TBC1D21: variants seen among roughly 807,000 people sequenced by gnomAD.
TBC1D21 encodes TBC1 domain family member 21, also known as male germ cell Rab GTPase-activating protein.
TBC1D21 carries 38 observed loss-of-function variants against 46.0 expected under a neutral mutation model. That is an observed-to-expected ratio of 0.83 (90% confidence interval 0.64 to 1.08). The LOEUF is 1.08. Ranked by LOEUF, TBC1D21 falls within the 50% of genes least tolerant of loss-of-function variation. The probability of loss-of-function intolerance (pLI) is 0.00; values close to 1 mark genes in which losing one functional copy is unlikely to be tolerated. For missense variants in TBC1D21, 415 were observed against 417.9 expected (o/e 0.99, Z 0.06); for synonymous variants, 151 against 157.2 (o/e 0.96, Z 0.29).
the TBC1D21 span, among the ~76,000 whole-genome samples, chr15:73,902,623 T>A: frequency 6.6e-6 from 1 of 152,260 alleles, no homozygotes; most frequent in South Asian, 2.1e-4. Flanking sequence ...ACTGCATGCA[T>A]CTGTCATTGC....
chr15:73,895,350 G>A, the TBC1D21 span, among the ~76,000 whole-genome samples: 245 of 152,258 alleles, frequency 1.6e-3, 1 homozygote, highest in African/African-American at 5.5e-3. Context: ...GCTTGTCTCC[G>A]CAGTCGATCT....
chr15:73,891,313 A>G (rs1020523148), downstream of TBC1D21, among the ~76,000 whole-genome samples: 3 of 152,180 alleles, frequency 2.0e-5, no homozygotes, highest in South Asian at 4.1e-4. Flanking sequence ...TTGTGTTATG[A>G]CAGTCTAGTT....
chr15:73,904,529 T>C, the TBC1D21 span, among the ~76,000 whole-genome samples: 1 of 152,206 alleles, frequency 6.6e-6, no homozygotes, highest in Admixed American at 6.5e-5. Flanking sequence ...AGAGTGACCA[T>C]GGCCTCCCCT....
At position 73,887,620 on chromosome 15, in the gene TBC1D21, G is replaced by A. The variant is rs767341121; in HGVS notation, c.778G>A (p.Val260Ile). Residue 260 changes from valine (V) to isoleucine (I), a missense_variant and splice_region_variant, in exon 9 of 11, where the codon GTT (valine) becomes ATT (isoleucine). Transcript: ENST00000300504. ...SFDDVWRLWEVLLTGKPCRNF... is the reference protein window; with the variant it reads ...SFDDVWRLWEILLTGKPCRNF... Reference sequence around the variant, plus strand: ...CAGACTGAGACGTCCTGACCCACAGGTTCTGCTGACGGGGAAGCCCTGCAG... The same window carrying A: ...CAGACTGAGACGTCCTGACCCACAGATTCTGCTGACGGGGAAGCCCTGCAG... The A allele has an allele frequency of 1.9e-6, 3 of 1,613,740 alleles. No homozygotes were observed. The highest frequency in any genetic ancestry group is 2.2e-5 in the South Asian group (2 of 91,076).
the TBC1D21 span, among the ~76,000 whole-genome samples, chr15:73,903,891 A>T: frequency 6.6e-6 from 1 of 152,132 alleles, no homozygotes; most frequent in South Asian, 2.1e-4. Flanking sequence ...TACTAAAAAT[A>T]AAAAAAGTTA....
At chr15:73,877,063 G>C (rs954104342) in intron 1 of TBC1D21, among the ~76,000 whole-genome samples, 3 of 152,114 alleles carry the variant, frequency 2.0e-5, no homozygotes, top group Non-Finnish European at 4.4e-5. Flanking sequence ...CTGTAAAACA[G>C]TACAAGAACT....
At chr15:73,893,067 T>A (rs1306410646), downstream of TBC1D21, among the ~76,000 whole-genome samples, 1 of 152,110 alleles carries the variant, frequency 6.6e-6, no homozygotes, top group Admixed American at 6.5e-5. Flanking sequence ...AATGATGTCA[T>A]CACTGGTGGT....
chr15:73,904,857 AAC>A, the TBC1D21 span, among the ~76,000 whole-genome samples: 1 of 152,356 alleles, frequency 6.6e-6, no homozygotes, highest in Admixed American at 6.5e-5. Flanking sequence ...GACAAAACAA[AAC>A]ACACAGATGG....
At chr15:73,901,083 C>A in the TBC1D21 span, among the ~76,000 whole-genome samples, 3 of 152,278 alleles carry the variant, frequency 2.0e-5, no homozygotes, top group Admixed American at 1.3e-4. Flanking sequence ...GCCCACAGAG[C>A]AAAGAAAGAA....
the TBC1D21 span, among the ~76,000 whole-genome samples, chr15:73,898,900 T>C: frequency 2.3e-5 from 3 of 129,014 alleles, no homozygotes; most frequent in South Asian, 2.5e-4. Context: ...TATATATATA[T>C]ATACACACAC....
At chr15:73,907,438 AG>A in the TBC1D21 span, among the ~76,000 whole-genome samples, 1 of 152,236 alleles carries the variant, frequency 6.6e-6, no homozygotes, top group Non-Finnish European at 1.5e-5. Flanking sequence ...TTGGAGAGAC[AG>A]GAACCAAATC....
chr15:73,883,739 T>C (rs1036064660), intron 3 of TBC1D21, among the ~76,000 whole-genome samples: 2 of 152,204 alleles, frequency 1.3e-5, no homozygotes, highest in African/African-American at 4.8e-5. Context: ...ATTCTAATAA[T>C]GAGGACAAAA....
chr15:73,880,865 TG>T (rs2068141916), intron 1 of TBC1D21, among the ~76,000 whole-genome samples: 1 of 152,236 alleles, frequency 6.6e-6, no homozygotes, highest in Non-Finnish European at 1.5e-5. Context: ...GGAACTTTTT[TG>T]TATTTTCTCA....
chr15:73,909,370 CA>C, the TBC1D21 span, among the ~76,000 whole-genome samples: 3 of 150,790 alleles, frequency 2.0e-5, no homozygotes, highest in South Asian at 2.1e-4. Context: ...GACTCCATCT[CA>C]AAAAAAAATC....
chr15:73,878,287 G>A (rs1023556737), intron 1 of TBC1D21, among the ~76,000 whole-genome samples: 1 of 152,048 alleles, frequency 6.6e-6, no homozygotes, highest in Middle Eastern at 3.2e-3. Flanking sequence ...AAAATGAGTG[G>A]GTGTGGCTGT....
chr15:73,883,583 T>C (rs1442918176), intron 3 of TBC1D21, among the ~76,000 whole-genome samples: 1 of 152,210 alleles, frequency 6.6e-6, no homozygotes, highest in Non-Finnish European at 1.5e-5. Flanking sequence ...TGGAAAGTCT[T>C]ACGGATCTCG....
chr15:73,903,914 G>A, the TBC1D21 span, among the ~76,000 whole-genome samples: 2 of 152,188 alleles, frequency 1.3e-5, no homozygotes, highest in Non-Finnish European at 2.9e-5. Flanking sequence ...TGGGTGTGGT[G>A]GTGTATGCCT....
chr15:73,890,706 G>T (rs968741278), downstream of TBC1D21, among the ~76,000 whole-genome samples: 2 of 152,202 alleles, frequency 1.3e-5, no homozygotes, highest in African/African-American at 2.4e-5. Flanking sequence ...TACACACAAT[G>T]CCAAACATCT....
the TBC1D21 span, chr15:73,909,689 C>G: frequency 6.6e-6 from 1 of 152,138 alleles, no homozygotes; most frequent in Non-Finnish European, 1.5e-5. Context: ...CTCATCACAG[C>G]CAGGGAGGCC....
Sources: gnomAD v4.1 joint callset for allele counts (sites outside exome capture counted in the v4.1 genomes callset) on GRCh38, gnomAD v4.1.1 for gene constraint, MANE v1.5 for transcripts, NCBI Gene and HGNC (gene_info 2026-07-23, HGNC 2026-07-21) for gene names.